Variants in RIMS2 observed in about 807,000 individuals in gnomAD.
The protein encoded by RIMS2 is regulating synaptic membrane exocytosis 2, also known as regulating synaptic membrane exocytosis protein 2.
Under a neutral mutation model 174.4 loss-of-function variants are expected in RIMS2, and 59 were observed. The ratio of observed to expected loss-of-function variants is 0.34; its 90% confidence interval spans 0.27 to 0.42. The LOEUF (loss-of-function observed/expected upper bound fraction) is 0.42, where lower values mean the gene tolerates loss of function less well. RIMS2 is among the 10% of genes least tolerant of loss of function. The probability of loss-of-function intolerance (pLI) is 1.00; values close to 1 mark genes in which losing one functional copy is unlikely to be tolerated. For synonymous variants in RIMS2, 606 were observed against 572.5 expected, an observed-to-expected ratio of 1.06 and a Z score of -0.84; for missense variants, 1,620 against 1,666.3, an observed-to-expected ratio of 0.97 and a Z score of 0.48.
chr8:103,777,335 A>G (rs1416715269), intron 3 of RIMS2, among the ~76,000 whole-genome samples: 1 of 152,066 alleles, frequency 6.6e-6, no homozygotes. Flanking sequence ...ACTCTATCCC[A>G]GTATCTTGCC....
At chr8:103,711,930 G>A (rs1590894306) in intron 2 of RIMS2, among the ~76,000 whole-genome samples, 1 of 151,436 alleles carries the variant, frequency 6.6e-6, no homozygotes. Context: ...CTTTTAAAAT[G>A]TACTTTTACA....
chr8:103,915,091 C>T lies in RIMS2; in HGVS notation c.1813-404C>T, dbSNP rs576380696. 6.6e-5 allele frequency among the ~76,000 whole-genome samples: 10 copies of T among 151,712 alleles called. No individual in the cohort carries two copies. In the South Asian group the frequency reaches 2.1e-3, roughly 32 times the overall value. ...TATCAATGAAAATTTGGTGGTATAT[C>T]CTAATTATAGTAAAAGAAACAAAAA... On this transcript the variant is annotated intron_variant, in intron 6 of 23. Coordinates refer to ENST00000504942, the Ensembl canonical transcript of RIMS2.
intron 1 of RIMS2, among the ~76,000 whole-genome samples, chr8:103,659,610 A>G (rs2096572378): frequency 6.6e-6 from 1 of 152,078 alleles, no homozygotes; most frequent in Admixed American, 6.5e-5. Context: ...AGCAGCTGCT[A>G]CCCCAGTTTC....
intron 2 of RIMS2, among the ~76,000 whole-genome samples, chr8:103,752,909 A>G (rs1051759092): frequency 2.0e-5 from 3 of 152,162 alleles, no homozygotes; most frequent in African/African-American, 7.2e-5. Context: ...CTCTTTTCCT[A>G]ATTGAATACC....
chr8:103,605,425 C>T (rs2095012464), intron 1 of RIMS2, among the ~76,000 whole-genome samples: 2 of 144,338 alleles, frequency 1.4e-5, no homozygotes, highest in South Asian at 4.3e-4. Flanking sequence ...AGGATTTTTG[C>T]ATCAATATTC....
intron 2 of RIMS2, among the ~76,000 whole-genome samples, chr8:103,760,915 C>A (rs2098105445): frequency 6.6e-6 from 1 of 152,022 alleles, no homozygotes; most frequent in South Asian, 2.1e-4. Flanking sequence ...GTTACTTGCC[C>A]ATCTATAAAT....
At chr8:103,827,789 C>T (rs577524509) in intron 3 of RIMS2, among the ~76,000 whole-genome samples, 1 of 151,908 alleles carries the variant, frequency 6.6e-6, no homozygotes, top group Non-Finnish European at 1.5e-5. Flanking sequence ...GAGCTGAGAT[C>T]GTGCCACTGT....
intron 19 of RIMS2, among the ~76,000 whole-genome samples, chr8:104,206,186 T>C (rs1400231057): frequency 6.6e-6 from 1 of 152,134 alleles, no homozygotes; most frequent in East Asian, 1.9e-4. Context: ...TCAAAGTTTG[T>C]TTTATCAAAA....
At chr8:104,128,320 C>T (rs2098447846) in intron 19 of RIMS2, among the ~76,000 whole-genome samples, 1 of 152,072 alleles carries the variant, frequency 6.6e-6, no homozygotes, top group South Asian at 2.1e-4. Context: ...CAAACAATTG[C>T]CAAAGGCCTT....
chr8:104,016,374 C>T lies in RIMS2; in HGVS notation c.3334+1759C>T, dbSNP rs1033791924. ...AACAAATTTGTAAGCGTGCTGCATTCGAGCAGCAATATTTTATACCCTTAT... is the reference window on the plus strand; with the variant it reads ...AACAAATTTGTAAGCGTGCTGCATTTGAGCAGCAATATTTTATACCCTTAT... On this transcript the variant is annotated intron_variant, in intron 19 of 23. Coordinates refer to ENST00000504942, the Ensembl canonical transcript of RIMS2. Among the ~76,000 whole-genome samples the T allele has an allele frequency of 1.3e-4, 19 of 151,960 alleles. No individual in the cohort carries two copies. In the East Asian group the frequency reaches 1.3e-3, roughly 11 times the overall value.
rs879291440 is a variant in RIMS2, at chr8:103,672,972, A to G, written c.177-24114A>G. Among the ~76,000 whole-genome samples, 23 of 152,216 alleles carry G rather than the reference A, an allele frequency of 1.5e-4. 2 individuals carry two copies. Among genetic ancestry groups the G allele is most frequent in the Admixed American group, 1.2e-3 (19 of 15,284 alleles). On this transcript the variant is annotated intron_variant, in intron 1 of 23. Transcript: ENST00000504942. ...TACAAGTGGGGTATAGGAATTGGGT[A>G]AACATTTTTATCCCAAAAGGTAGAA...
intron 1 of RIMS2, among the ~76,000 whole-genome samples, chr8:103,591,595 G>T (rs749940960): frequency 1.3e-4 from 19 of 151,222 alleles, no homozygotes; most frequent in Non-Finnish European, 2.5e-4. Flanking sequence ...GTGGTATGAA[G>T]TGAGGGTTGA....
intron 1 of RIMS2, among the ~76,000 whole-genome samples, chr8:103,533,121 A>T (rs1165638024): frequency 2.0e-5 from 3 of 152,260 alleles, no homozygotes; most frequent in Admixed American, 6.5e-5. Flanking sequence ...TAAGGCTGTG[A>T]CCAAAAAGTA....
At chr8:103,607,206 A>G (rs1307131478) in intron 1 of RIMS2, among the ~76,000 whole-genome samples, 1 of 152,110 alleles carries the variant, frequency 6.6e-6, no homozygotes, top group Non-Finnish European at 1.5e-5. Context: ...CGTGGTGACA[A>G]AATCTCTCAG....
At chr8:103,583,941 A>G (rs1451149428) in intron 1 of RIMS2, among the ~76,000 whole-genome samples, 1 of 152,190 alleles carries the variant, frequency 6.6e-6, no homozygotes, top group African/African-American at 2.4e-5. Flanking sequence ...AAACCTATAG[A>G]AAGATATTAT....
intron 1 of RIMS2, among the ~76,000 whole-genome samples, chr8:103,604,408 A>G (rs1176085103): frequency 2.0e-5 from 3 of 152,092 alleles, no homozygotes; most frequent in African/African-American, 7.2e-5. Flanking sequence ...ATAGCCTTGT[A>G]GTATAGTTTG....
chr8:103,914,837 C>T (rs1006029419), intron 6 of RIMS2, among the ~76,000 whole-genome samples: 13 of 152,064 alleles, frequency 8.5e-5, no homozygotes, highest in African/African-American at 3.1e-4. Flanking sequence ...GTAAGGTATA[C>T]AAGTATACAT....
chr8:103,933,992 G>A (rs189769712), intron 12 of RIMS2, among the ~76,000 whole-genome samples: 2 of 152,240 alleles, frequency 1.3e-5, no homozygotes, highest in East Asian at 3.9e-4. Context: ...GTTAAGCCAT[G>A]TGAAAATTAT....
At chr8:103,596,163 A>G (rs796556010) in intron 1 of RIMS2, among the ~76,000 whole-genome samples, 23 of 152,188 alleles carry the variant, frequency 1.5e-4, no homozygotes, top group African/African-American at 5.1e-4. Flanking sequence ...GACAATTTCT[A>G]AATTTCATAA....
Sources: allele counts gnomAD v4.1 joint callset (sites outside exome capture counted in the v4.1 genomes callset), GRCh38; gene constraint gnomAD v4.1.1; transcripts MANE v1.5; gene names NCBI Gene and HGNC (gene_info 2026-07-23, HGNC 2026-07-21).